EPHA6: variants seen among roughly 807,000 people sequenced by gnomAD.
EPHA6 encodes the protein ephrin type-A receptor 6.
A neutral mutation model predicts 112.0 loss-of-function variants in EPHA6; 50 were observed. The ratio of observed to expected loss-of-function variants is 0.45; its 90% CI spans 0.36 to 0.56. The LOEUF (loss-of-function observed/expected upper bound fraction) is 0.56. Ranked by LOEUF, EPHA6 falls within the 20% of genes least tolerant of loss-of-function variation. The pLI, the probability that EPHA6 is intolerant of heterozygous loss-of-function variation, is 0.00. For synonymous variants in EPHA6, 529 were observed against 490.7 expected (o/e 1.08, Z -1.03); for missense variants, 1,280 against 1,417.4 (o/e 0.90, Z 1.56).
At chr3:96,837,895 A>G (rs573447130) in intron 1 of EPHA6, among the ~76,000 whole-genome samples, 29 of 152,126 alleles carry the variant, frequency 1.9e-4, no homozygotes, top group Admixed American at 3.9e-4. Context: ...TTTAAGTTCA[A>G]GGGTAAATAT....
intron 3 of EPHA6, among the ~76,000 whole-genome samples, chr3:97,054,159 ATCTAAC>A (rs1432420182): frequency 1.4e-5 from 2 of 139,840 alleles, no homozygotes; most frequent in African/African-American, 3.0e-5. Context: ...TGACATAACT[ATCTAAC>A]ACACACACAC....
intron 1 of EPHA6, among the ~76,000 whole-genome samples, chr3:96,831,949 A>G (rs1237880018): frequency 6.6e-6 from 1 of 152,084 alleles, no homozygotes; most frequent in Non-Finnish European, 1.5e-5. Flanking sequence ...TTCTCCTTGT[A>G]TAACTCAGCT....
At chr3:97,589,170 T>G (rs1346893261) in intron 11 of EPHA6, among the ~76,000 whole-genome samples, 4 of 151,900 alleles carry the variant, frequency 2.6e-5, no homozygotes, top group Non-Finnish European at 5.9e-5. Flanking sequence ...TCTCTTTTTT[T>G]TTTTTAGCTC....
Position 97,475,345 on chromosome 3 carries a change from G to C in EPHA6, c.1895-7G>C. 1 of 1,604,592 alleles carries C rather than the reference G, an allele frequency of 6.2e-7. No individual in the cohort carries two copies. Among genetic ancestry groups the C allele is most frequent in the Middle Eastern group, 1.7e-4 (1 of 6,032 alleles). On this transcript the variant is annotated splice_polypyrimidine_tract_variant and splice_region_variant and intron_variant, in intron 7 of 17. Coordinates refer to ENST00000389672, the MANE Select transcript of EPHA6 (RefSeq NM_001080448.3). ...AGGGAAATTTTAATATTGTATCTCT[G>C]TTTCAGCTTCTGACATGGCAGCAGA...
chr3:97,148,080 A>C (rs1226258176), intron 3 of EPHA6, among the ~76,000 whole-genome samples: 1 of 152,154 alleles, frequency 6.6e-6, no homozygotes, highest in Non-Finnish European at 1.5e-5. Flanking sequence ...TTATGACTTA[A>C]CAAAAATTTT....
chr3:97,447,826 C>T (rs2107315483), intron 6 of EPHA6: 8 of 1,012,088 alleles, frequency 7.9e-6, no homozygotes, highest in Non-Finnish European at 4.7e-6. Flanking sequence ...TCTGATTCTG[C>T]AGGTATGGTA....
chr3:97,748,420 A>G (rs2035803183), intron 17 of EPHA6, among the ~76,000 whole-genome samples, 167 bp from the exon 18 acceptor site: 1 of 152,126 alleles, frequency 6.6e-6, no homozygotes. Flanking sequence ...CAAGTAAGCT[A>G]CACTATTTTT....
chr3:97,521,923 CAAAAAAA>C (rs754123519), intron 10 of EPHA6, among the ~76,000 whole-genome samples: 6 of 87,968 alleles, frequency 6.8e-5, no homozygotes, highest in Non-Finnish European at 1.0e-4. Context: ...GAGCCTTTTT[CAAAAAAA>C]AAAAAAAAAA....
chr3:97,089,437 ATCTTTCTGTAT>A (rs1446787879), intron 3 of EPHA6, among the ~76,000 whole-genome samples: 1 of 152,046 alleles, frequency 6.6e-6, no homozygotes, highest in Non-Finnish European at 1.5e-5. Context: ...CTGATGGTGT[ATCTTTCTGTAT>A]TCTTTCTGTA....
intron 2 of EPHA6, among the ~76,000 whole-genome samples, chr3:96,891,329 A>G (rs1446112461): frequency 6.6e-6 from 1 of 152,226 alleles, no homozygotes; most frequent in East Asian, 1.9e-4. Context: ...AAGAAACTGG[A>G]AACCAAAGAG....
intron 2 of EPHA6, among the ~76,000 whole-genome samples, chr3:96,925,832 C>T (rs541104014): frequency 6.6e-6 from 1 of 152,154 alleles, no homozygotes; most frequent in South Asian, 2.1e-4. Flanking sequence ...TCTCAAACTT[C>T]CGACCTCAGG....
chr3:97,464,483 C>A (rs1005549168), intron 7 of EPHA6, among the ~76,000 whole-genome samples: 1 of 151,978 alleles, frequency 6.6e-6, no homozygotes, highest in African/African-American at 2.4e-5. Flanking sequence ...TGTTGAGAAG[C>A]CCAACCAGTA....
At chr3:97,247,053 AT>A (rs2079007330) in intron 5 of EPHA6, among the ~76,000 whole-genome samples, 1 of 152,066 alleles carries the variant, frequency 6.6e-6, no homozygotes, top group South Asian at 2.1e-4. Flanking sequence ...AGTAAATAAA[AT>A]AAAATAATTG....
intron 2 of EPHA6, among the ~76,000 whole-genome samples, chr3:96,967,360 T>G (rs1489402032): frequency 2.0e-5 from 3 of 151,412 alleles, no homozygotes; most frequent in Admixed American, 6.6e-5. Context: ...TATAATTAAA[T>G]TTTTCATTTA....
At chr3:97,028,460 G>A (rs2044716473) in intron 3 of EPHA6, among the ~76,000 whole-genome samples, 1 of 152,018 alleles carries the variant, frequency 6.6e-6, no homozygotes, top group East Asian at 1.9e-4. Flanking sequence ...ATATCAAAAT[G>A]GGAAGTTACA....
At chr3:97,223,665 TAC>T (rs2078268803) in intron 3 of EPHA6, among the ~76,000 whole-genome samples, 1 of 152,172 alleles carries the variant, frequency 6.6e-6, no homozygotes, top group African/African-American at 2.4e-5. Flanking sequence ...CCAGTCATAA[TAC>T]AGTCTTATAC....
intron 6 of EPHA6, 59 bp from the exon 7 acceptor site, chr3:97,448,509 C>T: frequency 6.4e-7 from 1 of 1,554,086 alleles, no homozygotes; most frequent in Admixed American, 1.7e-5. Context: ...TGGAATGTTT[C>T]TAGGAAAAGG....
chr3:97,166,505 T>C (rs1330732594), intron 3 of EPHA6, among the ~76,000 whole-genome samples: 1 of 152,058 alleles, frequency 6.6e-6, no homozygotes, highest in Non-Finnish European at 1.5e-5. Context: ...AAAATAGAAA[T>C]TAAAACAGTT....
chr3:97,094,021 G>T (rs565505455), intron 3 of EPHA6, among the ~76,000 whole-genome samples: 2 of 152,164 alleles, frequency 1.3e-5, no homozygotes, highest in Admixed American at 1.3e-4. Flanking sequence ...GCTAAGTCAT[G>T]GCCAGATGAT....
Sources: gnomAD v4.1 joint callset for allele counts (sites outside exome capture counted in the v4.1 genomes callset) on GRCh38, gnomAD v4.1.1 for gene constraint, MANE v1.5 for transcripts, NCBI Gene and HGNC (gene_info 2026-07-23, HGNC 2026-07-21) for gene names.